The following SATB1 variants were observed in gnomAD, a reference collection of about 807,000 sequenced individuals.
The protein encoded by SATB1 is SATB homeobox 1, also known as DNA-binding protein SATB1.
A neutral mutation model predicts 86.9 loss-of-function variants in SATB1; 11 were observed. The ratio of observed to expected loss-of-function variants is 0.13; its 90% CI spans 0.08 to 0.21. The LOEUF (loss-of-function observed/expected upper bound fraction) is 0.21, where lower values mean the gene tolerates loss of function less well. Among genes scored for constraint, SATB1 ranks in the 10% least tolerant of loss-of-function variants. The pLI, the probability that SATB1 is intolerant of heterozygous loss-of-function variation, is 1.00. For synonymous variants in SATB1, 357 were observed against 357.2 expected (o/e 1.00, Z 0.01); for missense variants, 551 against 937.6 (o/e 0.59, Z 5.39).
At position 18,347,455 on chromosome 3, in the gene SATB1, G is replaced by A. The variant is rs908955935; in HGVS notation, c.*1715C>T. The A allele has an allele frequency of 6.6e-6, 1 of 151,140 alleles. No homozygotes were observed. The highest frequency in any genetic ancestry group is 2.4e-5 in the African/African-American group (1 of 41,036). The allele number at this position is 151,140 out of a possible 1,614,324, so 9.4% of individuals were successfully genotyped here. A position where few individuals can be genotyped will look rare whatever the true frequency, so the allele number is the denominator to read the frequency against. ...TCTTATAGTTATGAGATACACTTAC[G>A]AGCTCAGTTATTAACTTATTCCACT... On this transcript the variant is annotated 3_prime_UTR_variant, in exon 11 of 11. Transcript: ENST00000338745.
rs1361543725 is a variant in SATB1, at chr3:18,352,472, T to A, written c.1576-277A>T. On this transcript the variant is annotated intron_variant, in intron 9 of 10. Transcript: ENST00000338745. The surrounding 1 kb of genome is among the most constrained non-coding windows in gnomAD (Gnocchi z 4.1). ...AACAGAGCATTTATCACAGATTTTT[T>A]AATATATGAAATAGGAGAAAAACAA... 8.3e-6 allele frequency: 3 copies of A among 361,898 alleles called. No individual in the cohort carries two copies. Among genetic ancestry groups the A allele is most frequent in the African/African-American group, 6.1e-5 (3 of 49,154 alleles). The allele number at this position is 361,898 out of a possible 1,614,324, so 22.4% of individuals were successfully genotyped here. A position where few individuals can be genotyped will look rare whatever the true frequency, so the allele number is the denominator to read the frequency against.
chr3:18,390,789 G>C (rs1696619028), intron 7 of SATB1, among the ~76,000 whole-genome samples: 1 of 152,142 alleles, frequency 6.6e-6, no homozygotes, highest in Non-Finnish European at 1.5e-5. Flanking sequence ...AAAAGCCACA[G>C]AGTGGGATCA....
chr3:18,416,671 T>C (rs1368882107), intron 3 of SATB1, among the ~76,000 whole-genome samples: 1 of 152,100 alleles, frequency 6.6e-6, no homozygotes, highest in Non-Finnish European at 1.5e-5. Context: ...AGCATACTAA[T>C]GATTCAGCTG....
At chr3:18,395,835 A>G (rs1696937570) in intron 6 of SATB1, among the ~76,000 whole-genome samples, 1 of 152,168 alleles carries the variant, frequency 6.6e-6, no homozygotes, top group African/African-American at 2.4e-5. Context: ...ATCTCTAAGT[A>G]TGTAAATGCT....
chr3:18,438,845 G>A (rs1202194972), upstream of SATB1: 1 of 152,750 alleles, frequency 6.5e-6, no homozygotes, highest in Non-Finnish European at 1.5e-5. Flanking sequence ...AGGGGTGCGG[G>A]GGGCGGGCAG....
intron 1 of SATB1, chr3:18,445,101 C>A: frequency 3.5e-6 from 2 of 563,984 alleles, no homozygotes; most frequent in Non-Finnish European, 4.5e-6. Flanking sequence ...GGGCACGCTG[C>A]GCCCGGGGGC....
At chr3:18,417,435 T>C (rs1048559929) in intron 2 of SATB1, 2 of 586,416 alleles carry the variant, frequency 3.4e-6, no homozygotes, top group South Asian at 2.1e-5. Flanking sequence ...ATGAGTAGTA[T>C]ACAGTATGCA....
At chr3:18,354,551 T>C (rs1694536644) in intron 9 of SATB1, among the ~76,000 whole-genome samples, 1 of 152,186 alleles carries the variant, frequency 6.6e-6, no homozygotes, top group Non-Finnish European at 1.5e-5. Flanking sequence ...AGAATTTTTT[T>C]TTAGAAATAA....
intron 9 of SATB1, among the ~76,000 whole-genome samples, chr3:18,363,755 T>C (rs575117536): frequency 6.6e-6 from 1 of 152,328 alleles, no homozygotes; most frequent in African/African-American, 2.4e-5. Context: ...CTAGTCATTG[T>C]GTAGGCTAAC....
intron 5 of SATB1, among the ~76,000 whole-genome samples, chr3:18,398,029 C>T (rs1220905973): frequency 6.6e-6 from 1 of 152,142 alleles, no homozygotes; most frequent in South Asian, 2.1e-4. Context: ...AATTTCAAAC[C>T]GATCATAAAA....
chr3:18,421,278 C>T (rs1022510566), intron 1 of SATB1: 2 of 231,528 alleles, frequency 8.6e-6, no homozygotes, highest in African/African-American at 4.6e-5. Flanking sequence ...ACTTTTAGAA[C>T]AAGAATTATT....
chr3:18,383,667 A>G (rs1332780769), intron 8 of SATB1, among the ~76,000 whole-genome samples: 1 of 151,458 alleles, frequency 6.6e-6, no homozygotes, highest in Non-Finnish European at 1.5e-5. Context: ...GGTTTTCTCC[A>G]TTTTATCCTT....
chr3:18,417,952 C>T lies in SATB1; in HGVS notation c.212-874G>A, dbSNP rs377435195. On this transcript the variant is annotated intron_variant, in intron 2 of 10. Coordinates refer to ENST00000338745, the MANE Select transcript of SATB1 (RefSeq NM_002971.6). The stretch of plus-strand genomic sequence containing the variant: ...AGCTAGATGATTAATAAGCACCGGC[C>T]ACACTACTATTAGAAAGAGGCTTCT... 2.6e-5 allele frequency among the ~76,000 whole-genome samples: 4 copies of T among 152,198 alleles called. No homozygotes were observed. The East Asian group carries it at 7.7e-4, about 29-fold the overall frequency.
chr3:18,382,556 G>A (rs1196761252), intron 8 of SATB1, among the ~76,000 whole-genome samples: 1 of 152,038 alleles, frequency 6.6e-6, no homozygotes, highest in African/African-American at 2.4e-5. Flanking sequence ...AACTCATCAG[G>A]AAAATCTGCA....
intron 9 of SATB1, among the ~76,000 whole-genome samples, chr3:18,373,519 A>G (rs1229105793): frequency 6.6e-6 from 1 of 152,204 alleles, no homozygotes; most frequent in Non-Finnish European, 1.5e-5. Context: ...TTCAGCAATG[A>G]AAATTACATT....
At chr3:18,366,050 A>T (rs1025194812) in intron 9 of SATB1, among the ~76,000 whole-genome samples, 9 of 152,170 alleles carry the variant, frequency 5.9e-5, no homozygotes, top group Admixed American at 2.6e-4. Context: ...ATTTTTACCT[A>T]ATCTGCATTT....
chr3:18,421,706 T>C (rs1022909890), intron 1 of SATB1, among the ~76,000 whole-genome samples: 1 of 152,150 alleles, frequency 6.6e-6, no homozygotes, highest in Non-Finnish European at 1.5e-5. Context: ...TCCAACGTAC[T>C]GATGCATTAA....
intron 5 of SATB1, among the ~76,000 whole-genome samples, chr3:18,414,280 C>T (rs1396526441): frequency 6.6e-6 from 1 of 151,784 alleles, no homozygotes; most frequent in African/African-American, 2.4e-5. Flanking sequence ...CAAAAGCAGC[C>T]CTTTAAGAGT....
Position 18,421,011 on chromosome 3 carries a change from A to C in SATB1, c.-24-20T>G, listed in dbSNP as rs1292467900. On this transcript the variant is annotated intron_variant, in intron 1 of 10. Transcript: ENST00000338745. ...GATCACCTGCCAGAATTTAAAAAGA[A>C]GACACGTTATAGTTGGGCGGGGACC... 3.1e-6 allele frequency: 5 copies of C among 1,590,706 alleles called. No individual in the cohort carries two copies. Among genetic ancestry groups the C allele is most frequent in the Non-Finnish European group, 4.3e-6 (5 of 1,159,204 alleles).
Sources: allele counts gnomAD v4.1 joint callset (sites outside exome capture counted in the v4.1 genomes callset), GRCh38; gene constraint gnomAD v4.1.1; non-coding constraint Gnocchi (gnomAD v3.1); transcripts MANE v1.5; gene names NCBI Gene and HGNC (gene_info 2026-07-23, HGNC 2026-07-21).